The following SCAF4 variants were observed in gnomAD, a reference collection of about 807,000 sequenced individuals.
SCAF4 encodes SR-related and CTD-associated factor 4.
SCAF4 carries 25 observed loss-of-function variants against 129.8 expected under a neutral mutation model. The ratio of observed to expected loss-of-function variants is 0.19; its 90% CI spans 0.14 to 0.27. SCAF4 has a LOEUF of 0.27. SCAF4 is among the 10% of genes least tolerant of loss of function. The pLI is 1.00. For missense variants in SCAF4, 1,246 were observed against 1,457.1 expected, an observed-to-expected ratio of 0.86 and a Z score of 2.36; for synonymous variants, 551 against 497.7, an observed-to-expected ratio of 1.11 and a Z score of -1.43.
chr21:31,716,363 A>AT (rs1397204771), intron 1 of SCAF4, among the ~76,000 whole-genome samples: 2 of 152,118 alleles, frequency 1.3e-5, no homozygotes, highest in Non-Finnish European at 2.9e-5. Flanking sequence ...AAAAATAGAA[A>AT]TGTTTCCTAA....
rs982767439 is a variant in SCAF4, at chr21:31,731,745, G to A, written c.-53C>T. On this transcript the variant is annotated 5_prime_UTR_variant, in exon 1 of 20. Coordinates refer to ENST00000286835, the MANE Select transcript of SCAF4 (RefSeq NM_020706.2). ...GGCCCGCCGGTCACATAGACCTCGCGCCGCGGCGGAGCGGGGCTGGGAAAC... is the reference window on the plus strand; with the variant it reads ...GGCCCGCCGGTCACATAGACCTCGCACCGCGGCGGAGCGGGGCTGGGAAAC... 2 of 1,551,936 alleles carry A rather than the reference G, an allele frequency of 1.3e-6. No homozygotes were observed. The highest frequency in any genetic ancestry group is 1.7e-6 in the Non-Finnish European group (2 of 1,157,228).
chr21:31,702,048 A>T, intron 5 of SCAF4, 130 bp from the exon 6 acceptor site: 1 of 1,267,040 alleles, frequency 7.9e-7, no homozygotes, highest in Non-Finnish European at 1.1e-6. Flanking sequence ...GTGGCACTAG[A>T]GTTTATACTG....
chr21:31,730,840 G>A (rs2051333565), intron 1 of SCAF4, among the ~76,000 whole-genome samples: 1 of 152,214 alleles, frequency 6.6e-6, no homozygotes, highest in South Asian at 2.1e-4. Context: ...TCCCAGTTTG[G>A]AGAGGTTTTC....
At chr21:31,685,004 G>T in intron 19 of SCAF4, 45 bp downstream of exon 19, 2 of 742,962 alleles carry the variant, frequency 2.7e-6, no homozygotes, top group South Asian at 3.1e-5. Context: ...GGGGGTGGGG[G>T]GGGGGTGGGG....
intron 1 of SCAF4, among the ~76,000 whole-genome samples, chr21:31,712,222 C>CTTTTT (rs11408552): frequency 4.4e-5 from 6 of 135,442 alleles, no homozygotes; most frequent in Admixed American, 1.5e-4. Context: ...TTGTTTGTTG[C>CTTTTT]TTTTTTTTTT....
At chr21:31,700,193 C>A (rs991071026) in intron 7 of SCAF4, among the ~76,000 whole-genome samples, 1 of 150,326 alleles carries the variant, frequency 6.7e-6, no homozygotes, top group African/African-American at 2.4e-5. Flanking sequence ...CACACACACA[C>A]ACACAAATAA....
chr21:31,729,945 T>G (rs1202242035), intron 1 of SCAF4, among the ~76,000 whole-genome samples: 2 of 152,266 alleles, frequency 1.3e-5, no homozygotes, highest in Middle Eastern at 3.2e-3. Context: ...AATGCCTGAA[T>G]CAGAATACTT....
chr21:31,685,265 T>A, intron 18 of SCAF4, 25 bp from the exon 19 acceptor site: 1 of 1,537,192 alleles, frequency 6.5e-7, no homozygotes, highest in Non-Finnish European at 9.0e-7. Context: ...TATATCAACA[T>A]GTGAAGCTGA....
rs376581889 is a variant in SCAF4 at position 31,709,350 on chromosome 21, CAAAAA to C, written c.31-2998_31-2994del. Among the ~76,000 whole-genome samples, 734 of 117,808 alleles carry C rather than the reference CAAAAA, an allele frequency of 6.2e-3. 9 individuals are homozygous for C. Among genetic ancestry groups the C allele is most frequent in the African/African-American group, 0.021 (692 of 33,580 alleles). The allele number at this position is 117,808 out of a possible 152,430, so 77.3% of individuals were successfully genotyped here. On this transcript the variant is annotated intron_variant, in intron 1 of 19. Coordinates refer to ENST00000286835, the MANE Select transcript of SCAF4 (RefSeq NM_020706.2). ...AAATACTTACTGGTACTGAAACTGT[CAAAAA>C]AAAAAAAAAGAAAGAAAGAAAGAAA... is the stretch of plus-strand genomic sequence containing the variant.
At chr21:31,691,307 G>T (rs1461189132) in intron 14 of SCAF4, among the ~76,000 whole-genome samples, 1 of 152,196 alleles carries the variant, frequency 6.6e-6, no homozygotes, top group Non-Finnish European at 1.5e-5. Context: ...GGGGTGCCTT[G>T]TAATTACTTA....
At chr21:31,681,670 C>T (rs955322554) in intron 19 of SCAF4, among the ~76,000 whole-genome samples, 4 of 152,020 alleles carry the variant, frequency 2.6e-5, no homozygotes, top group South Asian at 2.1e-4. Context: ...ATAATTATTG[C>T]GCATCAAGTA....
chr21:31,684,615 G>A (rs981504090), intron 19 of SCAF4: 2 of 158,110 alleles, frequency 1.3e-5, no homozygotes, highest in African/African-American at 4.8e-5. Flanking sequence ...CAAGTCCAGG[G>A]GTTTCAGATA....
chr21:31,723,539 G>A (rs2051123342), intron 1 of SCAF4, among the ~76,000 whole-genome samples: 1 of 151,932 alleles, frequency 6.6e-6, no homozygotes, highest in African/African-American at 2.4e-5. Flanking sequence ...ATATCAGTAT[G>A]CAGATAAGTT....
At chr21:31,715,122 C>T (rs1336358337) in intron 1 of SCAF4, among the ~76,000 whole-genome samples, 1 of 152,146 alleles carries the variant, frequency 6.6e-6, no homozygotes, top group Non-Finnish European at 1.5e-5. Context: ...ATCAGCAAGG[C>T]GACATTCCTT....
At chr21:31,692,281 C>T in intron 13 of SCAF4, 68 bp downstream of exon 13, 1 of 1,252,386 alleles carries the variant, frequency 8.0e-7, no homozygotes, top group Non-Finnish European at 1.2e-6. Flanking sequence ...GGTCTCAGGT[C>T]CTCCATTTCA....
At position 31,685,621 on chromosome 21, in the gene SCAF4, G is replaced by C; in HGVS notation, c.2156C>G (p.Pro719Arg). ...TGGGCGCAAAAATGGTGGAGGAGGAGGGGGAGGAGGAACACCAGGACCAAA... is the reference window on the plus strand; with the variant it reads ...TGGGCGCAAAAATGGTGGAGGAGGACGGGGAGGAGGAACACCAGGACCAAA... Reference protein sequence around the residue: ...PGFGPGVPPPPPPPPFLRPGF... With the variant: ...PGFGPGVPPPRPPPPFLRPGF... Residue 719 changes from proline (P) to arginine (R), a missense_variant, in exon 17 of 20, where the codon CCT becomes CGT. Pro to Arg is a moderately radical substitution (Grantham distance 103, BLOSUM62 -2). This residue lies in a region of SCAF4 where 468 missense variants were observed against 605.5 expected (regional missense o/e 0.77). Coordinates refer to ENST00000286835, the MANE Select transcript of SCAF4 (RefSeq NM_020706.2). The C allele has an allele frequency of 6.2e-7, 1 of 1,614,156 alleles. No homozygotes were observed. The highest frequency in any genetic ancestry group is 8.5e-7 in the Non-Finnish European group (1 of 1,180,028).
Position 31,671,282 on chromosome 21 carries a change from C to T in SCAF4, c.*117G>A. On this transcript the variant is annotated 3_prime_UTR_variant, in exon 20 of 20. Coordinates refer to ENST00000286835, the MANE Select transcript of SCAF4 (RefSeq NM_020706.2). ...GGAAGCAATCAAATTGCTTACAGTT[C>T]CCCACCAGCTGGCGCGGGGCTGCAG... The T allele has an allele frequency of 8.7e-7, 1 of 1,150,682 alleles. No individual in the cohort carries two copies. 71.3% of individuals were successfully genotyped at this position (1,150,682 alleles called of 1,614,324 possible). A position where few individuals can be genotyped will look rare whatever the true frequency, so the allele number is the denominator to read the frequency against.
chr21:31,707,394 C>G (rs1363447696), intron 1 of SCAF4, among the ~76,000 whole-genome samples: 1 of 152,132 alleles, frequency 6.6e-6, no homozygotes, highest in Non-Finnish European at 1.5e-5. Context: ...TTTAACAAAT[C>G]TCACAACAGT....
At chr21:31,723,336 C>T (rs2051117416) in intron 1 of SCAF4, among the ~76,000 whole-genome samples, 1 of 151,974 alleles carries the variant, frequency 6.6e-6, no homozygotes, top group African/African-American at 2.4e-5. Context: ...CCTGTAATCT[C>T]AGCTACTAGG....
Sources: gnomAD v4.1 joint callset for allele counts (sites outside exome capture counted in the v4.1 genomes callset) on GRCh38, gnomAD v4.1.1 for gene constraint, gnomAD v4.1.1 regional missense constraint, MANE v1.5 for transcripts, NCBI Gene and HGNC (gene_info 2026-07-23, HGNC 2026-07-21) for gene names.